ROCK2: variants seen among roughly 807,000 people sequenced by gnomAD.
The protein encoded by ROCK2 is Rho associated coiled-coil containing protein kinase 2, also known as rho-associated protein kinase 2.
In ROCK2, 61 loss-of-function variants were observed where a neutral mutation model predicts 195.1. The observed-to-expected ratio is 0.31, with a 90% CI of 0.25 to 0.39. The LOEUF (loss-of-function observed/expected upper bound fraction) is 0.39. Ranked by LOEUF, ROCK2 falls within the 10% of genes least tolerant of loss-of-function variation. The pLI is 1.00. For synonymous variants in ROCK2, 504 were observed against 545.5 expected, an observed-to-expected ratio of 0.92 and a Z score of 1.06; for missense variants, 1,109 against 1,637.4, an observed-to-expected ratio of 0.68 and a Z score of 5.57.
At chr2:11,308,368 A>G in intron 1 of ROCK2, 1 of 1,360,492 alleles carries the variant, frequency 7.4e-7, no homozygotes, top group Non-Finnish European at 1.1e-6. Context: ...AGCCTGTCCC[A>G]TTAAGAAGAA....
Position 11,235,706 on chromosome 2 carries a change from T to C in ROCK2, c.719A>G (p.Asp240Gly), listed in dbSNP as rs1385868238. The C allele has an allele frequency of 6.2e-7, 1 of 1,605,530 alleles. No individual in the cohort carries two copies. Among genetic ancestry groups the C allele is most frequent in the Non-Finnish European group, 8.5e-7 (1 of 1,176,080 alleles). The change falls in exon 5 of 33, where the codon GAT (aspartate) becomes GGT (glycine). Residue 240 changes from aspartate (D) to glycine (G), a missense_variant. Asp to Gly is a moderately conservative substitution (Grantham distance 94, BLOSUM62 -1). Coordinates refer to ENST00000315872, the MANE Select transcript of ROCK2 (RefSeq NM_004850.5). This position sits in a 1 kb window ranked among gnomAD's most constrained non-coding sequence, Gnocchi z 4.2. ...LADFGTCMKM[D>G]ETGMVHCDTA... ...TTAAATAATTTGCTTACTTACTTCA[T>C]CCATCTTCATACACGTGCCAAAATC...
intron 20 of ROCK2, among the ~76,000 whole-genome samples, chr2:11,203,771 A>T (rs1359920853): frequency 6.6e-6 from 1 of 152,204 alleles, no homozygotes; most frequent in Non-Finnish European, 1.5e-5. Context: ...AGAATTCATG[A>T]TTCTTATTTC....
At chr2:11,270,040 T>C (rs1465436703) in intron 3 of ROCK2, among the ~76,000 whole-genome samples, 1 of 152,060 alleles carries the variant, frequency 6.6e-6, no homozygotes, top group Non-Finnish European at 1.5e-5. Context: ...ACGTATGAGC[T>C]ACTGCACCCA....
intron 1 of ROCK2, among the ~76,000 whole-genome samples, chr2:11,317,248 C>T (rs971693212): frequency 2.0e-5 from 3 of 151,714 alleles, no homozygotes; most frequent in Admixed American, 1.3e-4. Context: ...TTTTACAGGG[C>T]ATCTCCTAAA....
In ROCK2 at chr2:11,198,687, G is replaced by C. The variant is rs1663731670; in HGVS notation, c.2998C>G (p.Gln1000Glu). The C allele has an allele frequency of 3.1e-6, 5 of 1,602,352 alleles. No individual in the cohort carries two copies. Among genetic ancestry groups the C allele is most frequent in the Non-Finnish European group, 3.4e-6 (4 of 1,171,614 alleles). Residue 1000 changes from glutamine (Q) to glutamate (E), a missense_variant, in exon 24 of 33, where the codon CAA (glutamine) becomes GAA (glutamate). By Grantham distance (29) the Gln-to-Glu change is conservative. Around this residue, in one of 6 missense-constraint regions of ROCK2, gnomAD observed 542 missense variants for 672.0 expected, o/e 0.81. Transcript: ENST00000315872. ...EELNNKLKDV[Q>E]EQLSRLKDEE... ...ATTTTTTGTTAATACATACGCTCTT[G>C]AACATCTTTCAATTTGTTATTTAAT...
At chr2:11,324,455 T>C (rs1363273215) in intron 1 of ROCK2, among the ~76,000 whole-genome samples, 1 of 112,734 alleles carries the variant, frequency 8.9e-6, no homozygotes. Flanking sequence ...CAAAACAAAC[T>C]TATGTTCACA....
At chr2:11,319,953 C>G (rs1668351134) in intron 1 of ROCK2, among the ~76,000 whole-genome samples, 2 of 152,164 alleles carry the variant, frequency 1.3e-5, no homozygotes, top group Admixed American at 1.3e-4. Flanking sequence ...TAAAACTATT[C>G]AGGGTGGATC....
At chr2:11,316,206 T>TA (rs1261572011) in intron 1 of ROCK2, among the ~76,000 whole-genome samples, 3 of 152,094 alleles carry the variant, frequency 2.0e-5, no homozygotes, top group Non-Finnish European at 4.4e-5. Context: ...TATAAATAAA[T>TA]ACTACGTATA....
intron 4 of ROCK2, among the ~76,000 whole-genome samples, chr2:11,237,401 T>TTCTA (rs1364456888): frequency 6.6e-6 from 1 of 152,164 alleles, no homozygotes; most frequent in Non-Finnish European, 1.5e-5. Flanking sequence ...CTAAAAGTAG[T>TTCTA]TCTAGAGAGT....
intron 1 of ROCK2, chr2:11,308,638 T>C (rs1220121553): frequency 2.1e-5 from 30 of 1,442,726 alleles, no homozygotes; most frequent in Non-Finnish European, 2.5e-5. Context: ...CTGTGCAAGA[T>C]ACTCCTGTGG....
intron 1 of ROCK2, among the ~76,000 whole-genome samples, chr2:11,324,818 C>T (rs758320279): frequency 6.6e-6 from 1 of 152,190 alleles, no homozygotes; most frequent in Non-Finnish European, 1.5e-5. Context: ...CGTAATAGTA[C>T]ATCATAAAAA....
chr2:11,317,576 T>TTATATATCTATATATATCTA (rs1668237737), intron 1 of ROCK2, among the ~76,000 whole-genome samples: 1 of 29,584 alleles, frequency 3.4e-5, no homozygotes, highest in African/African-American at 1.6e-4. Context: ...ATCTACACAT[T>TTATATATCTATATATATCTA]TATATATATA....
intron 1 of ROCK2, among the ~76,000 whole-genome samples, chr2:11,322,488 TGCA>T (rs1178582771): frequency 3.3e-5 from 5 of 151,908 alleles, no homozygotes; most frequent in African/African-American, 1.2e-4. Flanking sequence ...ATGTCATGAA[TGCA>T]TTAGAAGAGC....
chr2:11,317,612 A>ATATATATTTTTT (rs59701503), intron 1 of ROCK2, among the ~76,000 whole-genome samples: 4 of 19,312 alleles, frequency 2.1e-4, no homozygotes, highest in Non-Finnish European at 3.1e-4. Context: ...ATATATATAT[A>ATATATATTTTTT]TTTTTTTTTT....
chr2:11,254,697 C>T (rs1298979244), intron 3 of ROCK2, among the ~76,000 whole-genome samples: 4 of 117,638 alleles, frequency 3.4e-5, no homozygotes, highest in African/African-American at 1.4e-4. Flanking sequence ...GAGTTTGAGA[C>T]AGCCTAGGCA....
chr2:11,281,307 G>T (rs546791156), intron 3 of ROCK2, among the ~76,000 whole-genome samples: 1 of 151,530 alleles, frequency 6.6e-6, no homozygotes, highest in South Asian at 2.1e-4. Flanking sequence ...ATGTTTACTG[G>T]TAAGAAACTA....
Position 11,215,511 on chromosome 2 carries a change from A to G in ROCK2, c.1596T>C (p.Asp532=), listed in dbSNP as rs1157089588. Reference sequence around the variant, plus strand: ...TAATTAATATTCTACACCACAAACCATCATTTTCCAAATTTCGTTTTTTGT... The same window carrying G: ...TAATTAATATTCTACACCACAAACCGTCATTTTCCAAATTTCGTTTTTTGT... ...EADKKRNLEN[D]VNSLKDQLED... Residue 532 remains aspartate, a splice_region_variant and synonymous_variant, in exon 14 of 33, where the codon GAT becomes GAC. Transcript: ENST00000315872. 1.9e-6 allele frequency: 3 copies of G among 1,612,252 alleles called. No individual in the cohort carries two copies. Among genetic ancestry groups the G allele is most frequent in the East Asian group, 2.2e-5 (1 of 44,776 alleles).
chr2:11,299,956 T>C (rs1667654672), intron 1 of ROCK2, among the ~76,000 whole-genome samples: 1 of 152,228 alleles, frequency 6.6e-6, no homozygotes, highest in Non-Finnish European at 1.5e-5. Context: ...GTCTCTCTTT[T>C]GTCCACTCTA....
At chr2:11,216,665 G>C (rs1664440771) in intron 12 of ROCK2, among the ~76,000 whole-genome samples, 1 of 151,468 alleles carries the variant, frequency 6.6e-6, no homozygotes, top group Non-Finnish European at 1.5e-5. Context: ...CCAAAGTGTT[G>C]GGATTACAGG....
Sources: allele counts gnomAD v4.1 joint callset (sites outside exome capture counted in the v4.1 genomes callset), GRCh38; gene constraint gnomAD v4.1.1; regional missense constraint gnomAD v4.1.1; non-coding constraint Gnocchi (gnomAD v3.1); transcripts MANE v1.5; gene names NCBI Gene and HGNC (gene_info 2026-07-23, HGNC 2026-07-21).